Variants in THEM4 observed in about 807,000 individuals in gnomAD.
The protein encoded by THEM4 is acyl-coenzyme A thioesterase THEM4.
In THEM4, 22 loss-of-function variants were observed where a neutral mutation model predicts 25.0. The observed-to-expected ratio is 0.88, with a 90% CI of 0.63 to 1.26. The LOEUF is 1.26. Among genes scored for constraint, THEM4 ranks in the 50% most tolerant of loss-of-function variants. The pLI, the probability that THEM4 is intolerant of heterozygous loss-of-function variation, is 0.00. For synonymous variants in THEM4, 113 were observed against 105.6 expected (o/e 1.07, Z -0.43); for missense variants, 286 against 300.3 (o/e 0.95, Z 0.35).
chr1:151,892,962 T>C (rs1338091538), intron 2 of THEM4, among the ~76,000 whole-genome samples: 2 of 152,122 alleles, frequency 1.3e-5, no homozygotes, highest in African/African-American at 4.8e-5. Flanking sequence ...TGTGGTGTCC[T>C]AGAAGTTATG....
At chr1:151,887,107 A>T (rs1437301626) in intron 4 of THEM4, among the ~76,000 whole-genome samples, 2 of 152,228 alleles carry the variant, frequency 1.3e-5, no homozygotes, top group Non-Finnish European at 2.9e-5. Flanking sequence ...CTATACACAA[A>T]CAATGACTAA....
At chr1:151,900,609 G>A (rs1195719306) in intron 1 of THEM4, among the ~76,000 whole-genome samples, 1 of 152,184 alleles carries the variant, frequency 6.6e-6, no homozygotes, top group Non-Finnish European at 1.5e-5. Context: ...AATGGTAAAA[G>A]GCCTTGTCCA....
intron 1 of THEM4, among the ~76,000 whole-genome samples, chr1:151,904,998 T>C (rs1423612203): frequency 6.6e-6 from 1 of 152,162 alleles, no homozygotes; most frequent in Non-Finnish European, 1.5e-5. Flanking sequence ...AACTAAGAGA[T>C]ACCTGAAGTA....
rs745344976 is a variant in THEM4 at position 151,909,434 on chromosome 1, G to A, written c.25C>T (p.Leu9Phe). The change falls in exon 1 of 6, where the codon CTC becomes TTC. Residue 9 changes from leucine to phenylalanine, a missense_variant. Leu to Phe is a conservative substitution (Grantham distance 22). Coordinates refer to ENST00000368814, the MANE Select transcript of THEM4 (RefSeq NM_053055.5). ...AGGCACAGAGCCCCCAGCGTGCGGA[G>A]GCGCGCGGCGCAGCTCCTCAGCATG... MLRSCAAR[L>F]RTLGALCLPP... 2.7e-6 allele frequency: 4 copies of A among 1,463,164 alleles called. No individual in the cohort carries two copies. The highest frequency in any genetic ancestry group is 1.5e-5 in the African/African-American group (1 of 67,620). The allele number at this position is 1,463,164 out of a possible 1,614,324, so 90.6% of individuals were successfully genotyped here. A position where few individuals can be genotyped will look rare whatever the true frequency, so the allele number is the denominator to read the frequency against.
At chr1:151,900,516 C>G (rs542644257) in intron 1 of THEM4, among the ~76,000 whole-genome samples, 9 of 152,242 alleles carry the variant, frequency 5.9e-5, no homozygotes, top group Non-Finnish European at 1.2e-4. Flanking sequence ...CAAAAGCAAG[C>G]AGAGATAGGT....
chr1:151,906,763 C>T (rs868843002), intron 1 of THEM4, among the ~76,000 whole-genome samples: 1 of 152,110 alleles, frequency 6.6e-6, no homozygotes, highest in Non-Finnish European at 1.5e-5. Flanking sequence ...TATCTAGCTA[C>T]TCTGGTGGGG....
At chr1:151,888,622 C>T (rs542651854) in intron 3 of THEM4, among the ~76,000 whole-genome samples, 122 of 152,176 alleles carry the variant, frequency 8.0e-4, no homozygotes, top group African/African-American at 2.8e-3. Flanking sequence ...GTAACCAGAT[C>T]GCAAGCAAGC....
Position 151,874,736 on chromosome 1 carries a change from C to G in THEM4, c.*152G>C. ...TGTTAAAAAGTTGAGAAGATGGAAA[C>G]TGAATCCTCTTTGTATTCAGAAGGC... On this transcript the variant is annotated 3_prime_UTR_variant, in exon 6 of 6. Coordinates refer to ENST00000368814, the MANE Select transcript of THEM4 (RefSeq NM_053055.5). The G allele has an allele frequency of 8.2e-6, 6 of 732,320 alleles. No individual in the cohort carries two copies. The South Asian group carries it at 1.0e-4, about 12-fold the overall frequency. The allele number at this position is 732,320 out of a possible 1,614,324, so 45.4% of individuals were successfully genotyped here. A position where few individuals can be genotyped will look rare whatever the true frequency, so the allele number is the denominator to read the frequency against.
intron 4 of THEM4, among the ~76,000 whole-genome samples, chr1:151,883,692 T>C (rs1438799380): frequency 6.6e-6 from 1 of 151,116 alleles, no homozygotes; most frequent in Non-Finnish European, 1.5e-5. Flanking sequence ...TGGAGTGCAG[T>C]GGCATGATCT....
At chr1:151,906,421 C>G (rs1654467705) in intron 1 of THEM4, among the ~76,000 whole-genome samples, 1 of 152,238 alleles carries the variant, frequency 6.6e-6, no homozygotes, top group African/African-American at 2.4e-5. Flanking sequence ...GCCTCCCACG[C>G]CCTCCGTGGG....
At chr1:151,883,862 G>A (rs568950717) in intron 4 of THEM4, among the ~76,000 whole-genome samples, 7 of 152,132 alleles carry the variant, frequency 4.6e-5, no homozygotes, top group African/African-American at 1.7e-4. Flanking sequence ...ATCACCTGAG[G>A]TCAGGAGTTT....
intron 1 of THEM4, 91 bp downstream of exon 1, chr1:151,909,269 T>G: frequency 1.8e-6 from 2 of 1,083,764 alleles, no homozygotes; most frequent in Non-Finnish European, 2.6e-6. Flanking sequence ...GATTGGCTGG[T>G]TGGGGTATGG....
At position 151,872,854 on chromosome 1, in the gene THEM4, C is replaced by G. The variant is rs143100282; in HGVS notation, c.*2034G>C. On this transcript the variant is annotated 3_prime_UTR_variant, in exon 6 of 6. Transcript: ENST00000368814. ...CTGGGTATTGTCCAAGGTTTCCCCC[C>G]ACTGAGACAGCCTGAGATATGGCCT... Among the ~76,000 whole-genome samples the G allele has an allele frequency of 1.4e-4, 22 of 152,288 alleles. No individual in the cohort carries two copies. The highest frequency in any genetic ancestry group is 6.2e-4 in the South Asian group (3 of 4,826).
chr1:151,905,893 C>G (rs1458834942), intron 1 of THEM4, among the ~76,000 whole-genome samples: 3 of 152,242 alleles, frequency 2.0e-5, no homozygotes, highest in Non-Finnish European at 2.9e-5. Flanking sequence ...TAAGCACTTG[C>G]AAGGCTCTTT....
At chr1:151,908,617 G>A (rs11204914) in intron 1 of THEM4, among the ~76,000 whole-genome samples, 88,567 of 152,094 alleles carry the variant, frequency 0.58, 26,113 homozygotes, top group Admixed American at 0.67. Flanking sequence ...GGAGTGCTCA[G>A]CTTAATTAAA....
rs560263752 is a variant in THEM4 at position 151,898,882 on chromosome 1, G to C, written c.100-3688C>G. 2.7e-3 allele frequency among the ~76,000 whole-genome samples: 417 copies of C among 152,340 alleles called. 2 individuals are homozygous for C. The highest frequency in any genetic ancestry group is 9.8e-3 in the African/African-American group (407 of 41,574). ...CAGGAAGCCACATCCACAGGAAAAG[G>C]GGGAGAGTACTACATCAGCAGAACA... On this transcript the variant is annotated intron_variant, in intron 1 of 5. Transcript: ENST00000368814.
chr1:151,904,982 G>A (rs1654425571), intron 1 of THEM4, among the ~76,000 whole-genome samples: 1 of 152,134 alleles, frequency 6.6e-6, no homozygotes, highest in Admixed American at 6.5e-5. Context: ...AGTTCAAGGA[G>A]GTGAAAACTA....
chr1:151,894,490 T>C (rs931550351), intron 2 of THEM4, among the ~76,000 whole-genome samples: 2 of 152,222 alleles, frequency 1.3e-5, no homozygotes, highest in Non-Finnish European at 2.9e-5. Context: ...GAACTCTCTG[T>C]ACTTTAGGCT....
intron 1 of THEM4, among the ~76,000 whole-genome samples, chr1:151,905,801 A>G (rs1472091797): frequency 6.6e-6 from 1 of 152,238 alleles, no homozygotes; most frequent in Non-Finnish European, 1.5e-5. Context: ...TGTTTTATCT[A>G]AACAGCACAG....
Sources: gnomAD v4.1 joint callset for allele counts (sites outside exome capture counted in the v4.1 genomes callset) on GRCh38, gnomAD v4.1.1 for gene constraint, MANE v1.5 for transcripts, NCBI Gene and HGNC (gene_info 2026-07-23, HGNC 2026-07-21) for gene names.